C3orf70: variants seen among roughly 807,000 people sequenced by gnomAD.
C3orf70 encodes the protein chromosome 3 open reading frame 70, also known as UPF0524 protein C3orf70.
C3orf70 carries 15 observed loss-of-function variants against 20.7 expected under a neutral mutation model. The observed-to-expected ratio is 0.72, with a 90% CI of 0.48 to 1.11. C3orf70 has a LOEUF of 1.11. Among genes scored for constraint, C3orf70 ranks in the 50% most tolerant of loss-of-function variants. The pLI is 0.00. For synonymous variants in C3orf70, 161 were observed against 125.7 expected, an observed-to-expected ratio of 1.28 and a Z score of -1.88; for missense variants, 332 against 317.6, an observed-to-expected ratio of 1.05 and a Z score of -0.34.
Position 185,077,796 on chromosome 3 carries a change from G to T in C3orf70, c.*5211C>A, listed in dbSNP as rs112328979. On this transcript the variant is annotated 3_prime_UTR_variant, in exon 2 of 2. Transcript: ENST00000335012. Reference sequence around the variant, plus strand: ...AATGCTATTTGGTGGTGGTGGGGGGGGGGTATCAAGTTTTATTTGCTATAA... The same window carrying T: ...AATGCTATTTGGTGGTGGTGGGGGGTGGGTATCAAGTTTTATTTGCTATAA... Among the ~76,000 whole-genome samples, 438 of 150,798 alleles carry T rather than the reference G, an allele frequency of 2.9e-3. 1 individual carries two copies. Among genetic ancestry groups the T allele is most frequent in the Non-Finnish European group, 5.3e-3 (357 of 67,698 alleles).
intron 1 of C3orf70, among the ~76,000 whole-genome samples, chr3:185,104,615 TAC>T (rs1193892404): frequency 6.6e-6 from 1 of 152,020 alleles, no homozygotes; most frequent in Non-Finnish European, 1.5e-5. Flanking sequence ...GAAAAAGTGG[TAC>T]ACATACACCA....
intron 1 of C3orf70, among the ~76,000 whole-genome samples, chr3:185,096,651 T>C (rs1335281485): frequency 6.6e-6 from 1 of 152,152 alleles, no homozygotes; most frequent in Admixed American, 6.5e-5. Context: ...CTGCTGACAG[T>C]GTGAAGGGTC....
In C3orf70 at chr3:185,083,209, G is replaced by GACTT; in HGVS notation, c.550_551insAAGT (p.Pro184GlnfsTer6). 2.5e-6 allele frequency: 4 copies of GACTT among 1,614,180 alleles called. No homozygotes were observed. The highest frequency in any genetic ancestry group is 3.4e-6 in the Non-Finnish European group (4 of 1,180,036). ...GATCCCAGAGTCCTCAGAACTTGAG[G>GACTT]GAGAAGAGCAGTGATCTATTTTTGG... On this transcript the variant is annotated frameshift_variant, in exon 2 of 2. Transcript: ENST00000335012. LOFTEE classifies it high-confidence loss of function.
At chr3:185,098,669 C>T (rs776268331) in intron 1 of C3orf70, among the ~76,000 whole-genome samples, 1 of 152,124 alleles carries the variant, frequency 6.6e-6, no homozygotes, top group Non-Finnish European at 1.5e-5. Context: ...GAACTAATTT[C>T]AAAACTACTC....
rs1715285755 is a variant in C3orf70 at position 185,079,535 on chromosome 3, A to C, written c.*3472T>G. On this transcript the variant is annotated 3_prime_UTR_variant, in exon 2 of 2. Transcript: ENST00000335012. The stretch of plus-strand genomic sequence containing the variant: ...AAAAAAGACCTAGATGTGATAGTAA[A>C]CCCTTATTTTTTAATATACCAAACA... 1 of 152,156 alleles carries C rather than the reference A, an allele frequency of 6.6e-6. No individual in the cohort carries two copies. The allele number at this position is 152,156 out of a possible 1,614,324, so 9.4% of individuals were successfully genotyped here.
Position 185,106,675 on chromosome 3 carries a change from A to G in C3orf70, c.197-23112T>C, listed in dbSNP as rs186149196. On this transcript the variant is annotated intron_variant, in intron 1 of 1. Transcript: ENST00000335012. ...CAGGCCATTCCCTCACCCCTGTACA[A>G]TGTCTGTCCCCCGCCACAGCCGGTA... Among the ~76,000 whole-genome samples, 220 of 152,256 alleles carry G rather than the reference A, an allele frequency of 1.4e-3. 1 individual carries two copies. In the East Asian group the frequency reaches 0.029, roughly 20 times the overall value.
intron 1 of C3orf70, among the ~76,000 whole-genome samples, chr3:185,132,259 A>T (rs1278703220): frequency 6.6e-6 from 1 of 152,198 alleles, no homozygotes; most frequent in East Asian, 1.9e-4. Flanking sequence ...CAGAGATTCA[A>T]ATATTGGAAC....
chr3:185,152,797 C>T lies in C3orf70; in HGVS notation c.27G>A (p.Ser9=), dbSNP rs1320504508. 1.9e-6 allele frequency: 3 copies of T among 1,565,766 alleles called. No individual in the cohort carries two copies. Among genetic ancestry groups the T allele is most frequent in the East Asian group, 2.5e-5 (1 of 39,524 alleles). Residue 9 remains serine, a synonymous_variant, in exon 1 of 2, where the codon TCG becomes TCA. Transcript: ENST00000335012. ...GTTTCTCGCTCTTCCAACCCCGCTC[C>T]GACGCCGGCGAGGCCGCCGCACTCA... MSAAASPA[S]ERGWKSEKLD...
intron 1 of C3orf70, among the ~76,000 whole-genome samples, chr3:185,118,688 T>C (rs1716232688): frequency 6.6e-6 from 1 of 152,242 alleles, no homozygotes; most frequent in Non-Finnish European, 1.5e-5. Context: ...GCATACTTTT[T>C]TTAAACTACT....
chr3:185,094,074 G>GTTTTTTTTTTTTTT (rs71162282), intron 1 of C3orf70, among the ~76,000 whole-genome samples: 1 of 80,644 alleles, frequency 1.2e-5, no homozygotes, highest in Non-Finnish European at 2.2e-5. Flanking sequence ...ATACCCTGGG[G>GTTTTTTTTTTTTTT]TTTTTTTTTT....
chr3:185,152,567 G>A (rs1717013851), intron 1 of C3orf70, 61 bp downstream of exon 1: 4 of 1,460,310 alleles, frequency 2.7e-6, no homozygotes, highest in Non-Finnish European at 3.7e-6. Context: ...AGCGACCCCG[G>A]ACGGCCCGGC....
In C3orf70 at chr3:185,079,836, TGTCA is replaced by T. The variant is rs776684574; in HGVS notation, c.*3167_*3170del. ...GTCCAAAGTATACAGCTTTCATATC[TGTCA>T]GTCAGTGTGCAAGTGTTAACCACTT... On this transcript the variant is annotated 3_prime_UTR_variant, in exon 2 of 2. Coordinates refer to ENST00000335012, the MANE Select transcript of C3orf70 (RefSeq NM_001025266.3). The T allele has an allele frequency of 2.0e-5, 3 of 152,784 alleles. No individual in the cohort carries two copies. The highest frequency in any genetic ancestry group is 3.9e-4 in the East Asian group (2 of 5,192). 9.5% of individuals were successfully genotyped at this position (152,784 alleles called of 1,614,324 possible). A position where few individuals can be genotyped will look rare whatever the true frequency, so the allele number is the denominator to read the frequency against.
At chr3:185,141,851 C>T (rs1267389393) in intron 1 of C3orf70, among the ~76,000 whole-genome samples, 1 of 150,770 alleles carries the variant, frequency 6.6e-6, no homozygotes, top group Non-Finnish European at 1.5e-5. Context: ...CTAAATTTGT[C>T]CACTGAAAAG....
intron 1 of C3orf70, among the ~76,000 whole-genome samples, chr3:185,100,823 A>G (rs1715806802): frequency 6.6e-6 from 1 of 152,176 alleles, no homozygotes; most frequent in South Asian, 2.1e-4. Context: ...GAGTAGATCC[A>G]AATAAACACA....
At chr3:185,138,487 T>C (rs1322505090) in intron 1 of C3orf70, among the ~76,000 whole-genome samples, 5 of 149,814 alleles carry the variant, frequency 3.3e-5, no homozygotes, top group African/African-American at 1.2e-4. Flanking sequence ...CATAAAGACA[T>C]AAAAATATTT....
intron 1 of C3orf70, among the ~76,000 whole-genome samples, chr3:185,142,106 T>A (rs1483559488): frequency 6.6e-6 from 1 of 152,030 alleles, no homozygotes; most frequent in Non-Finnish European, 1.5e-5. Context: ...TGGCCAAATT[T>A]AAAGACAATC....
chr3:185,109,510 AC>A (rs1035742164), intron 1 of C3orf70, among the ~76,000 whole-genome samples: 3 of 152,182 alleles, frequency 2.0e-5, no homozygotes, highest in Non-Finnish European at 4.4e-5. Flanking sequence ...CACAAGCAAC[AC>A]CCGTCGAACA....
intron 1 of C3orf70, among the ~76,000 whole-genome samples, chr3:185,108,635 C>T (rs972902784): frequency 3.3e-5 from 5 of 152,224 alleles, no homozygotes; most frequent in African/African-American, 1.2e-4. Context: ...ACAATTTAAC[C>T]CATGTTAATG....
chr3:185,142,009 C>T (rs565744673), intron 1 of C3orf70, among the ~76,000 whole-genome samples: 33 of 152,118 alleles, frequency 2.2e-4, no homozygotes, highest in African/African-American at 7.2e-4. Flanking sequence ...AAGCCTGGGA[C>T]ATCTTGTGCC....
Sources: gnomAD v4.1 joint callset for allele counts (sites outside exome capture counted in the v4.1 genomes callset) on GRCh38, gnomAD v4.1.1 for gene constraint, MANE v1.5 for transcripts, NCBI Gene and HGNC (gene_info 2026-07-23, HGNC 2026-07-21) for gene names.